The following VAC14 variants were observed in gnomAD, a reference collection of about 807,000 sequenced individuals.
VAC14 encodes VAC14 component of PIKFYVE complex, also known as protein VAC14 homolog.
Under a neutral mutation model 85.3 loss-of-function variants are expected in VAC14, and 47 were observed. That is an observed-to-expected ratio of 0.55 (90% CI 0.44 to 0.70). The LOEUF (loss-of-function observed/expected upper bound fraction) is 0.70. Ranked by LOEUF, VAC14 falls within the 30% of genes least tolerant of loss-of-function variation. The probability of loss-of-function intolerance (pLI) is 0.00; values close to 1 mark genes in which losing one functional copy is unlikely to be tolerated. For missense variants in VAC14, 861 were observed against 1,004.3 expected (o/e 0.86, Z 1.93); for synonymous variants, 447 against 430.5 (o/e 1.04, Z -0.47).
At chr16:70,737,094 C>A (rs1156537868) in intron 13 of VAC14, among the ~76,000 whole-genome samples, 1 of 152,202 alleles carries the variant, frequency 6.6e-6, no homozygotes, top group Non-Finnish European at 1.5e-5. Context: ...GGAGAGAGAA[C>A]AAGCTCACCC....
chr16:70,698,577 C>T (rs1406514448), intron 15 of VAC14, 60 bp downstream of exon 15: 4 of 1,598,068 alleles, frequency 2.5e-6, no homozygotes, highest in Non-Finnish European at 2.6e-6. Flanking sequence ...CGGGCTCACA[C>T]AGGGTGTGCC....
chr16:70,697,102 A>C (rs1286607161), intron 16 of VAC14, 37 bp downstream of exon 16: 2 of 1,575,242 alleles, frequency 1.3e-6, no homozygotes, highest in East Asian at 4.5e-5. Context: ...CCTGCCCCTC[A>C]GAGGCTCAAC....
chr16:70,695,556 G>A lies in VAC14; in HGVS notation c.2023C>T (p.Pro675Ser). 1 of 1,613,952 alleles carries A rather than the reference G, an allele frequency of 6.2e-7. No individual in the cohort carries two copies. The highest frequency in any genetic ancestry group is 8.5e-7 in the Non-Finnish European group (1 of 1,179,956). ...AGGTGGTTCTTACATGTGAAGATGG[G>A]GCACTCAATCAGCTGCACCAGCTTG... ...VDKLVQLIEC[P>S]IFTYLRLQLL... The change falls in exon 17 of 19, where the codon CCC (proline) becomes TCC (serine). Residue 675 changes from proline (P) to serine (S), a missense_variant. By Grantham distance (74) the Pro-to-Ser change is moderately conservative. Around this residue, in one of 3 missense-constraint regions of VAC14, gnomAD observed 163 missense variants for 162.2 expected, o/e 1.00. Transcript: ENST00000261776.
intron 13 of VAC14, among the ~76,000 whole-genome samples, chr16:70,732,466 AC>A (rs1005993526): frequency 1.4e-4 from 22 of 152,066 alleles, no homozygotes; most frequent in African/African-American, 5.1e-4. Context: ...AGTACCCAGC[AC>A]CAAGGGGACA....
At chr16:70,736,359 T>C (rs2054752942) in intron 13 of VAC14, among the ~76,000 whole-genome samples, 1 of 152,224 alleles carries the variant, frequency 6.6e-6, no homozygotes, top group Non-Finnish European at 1.5e-5. Context: ...GTTCTCATTC[T>C]GAGTCTCAGA....
In VAC14 at chr16:70,772,150, G is replaced by A. The variant is rs774887758; in HGVS notation, c.1119C>T (p.Asp373=). 3 of 1,614,146 alleles carry A rather than the reference G, an allele frequency of 1.9e-6. No individual in the cohort carries two copies. The South Asian group carries it at 3.3e-5, about 18-fold the overall frequency. ...TASGGPDGSC[D]SSFSSGISVF... ...CACTGATGCCGCTACTGAAGCTGGA[G>A]TCACAGGAACCATCTGGACCTCCTG... Residue 373 remains aspartate, a synonymous_variant, in exon 10 of 19, where the codon GAC becomes GAT. Transcript: ENST00000261776.
chr16:70,756,813 C>T (rs991479807), intron 12 of VAC14, among the ~76,000 whole-genome samples: 2 of 152,198 alleles, frequency 1.3e-5, no homozygotes, highest in Non-Finnish European at 2.9e-5. Flanking sequence ...CCTTACACCA[C>T]TCCCTAGACC....
chr16:70,791,396 T>C (rs1293442386), intron 1 of VAC14, among the ~76,000 whole-genome samples: 2 of 152,200 alleles, frequency 1.3e-5, no homozygotes, highest in Non-Finnish European at 2.9e-5. Flanking sequence ...AACTTTTTTT[T>C]CCCTTTGAGA....
In VAC14 at chr16:70,692,939, T is replaced by G; in HGVS notation, c.2068A>C (p.Asn690His). ...LRLQLLDVKN[N>H]PYLIKALYGL... ...TAGAGGGCCTTGATCAGGTAGGGGT[T>G]GTTCTTCACGTCCAGCAGCTGCAGG... is the stretch of plus-strand genomic sequence containing the variant. The change falls in exon 18 of 19, where the codon AAC (asparagine) becomes CAC (histidine). Residue 690 changes from asparagine to histidine, a missense_variant. Around this residue, in one of 3 missense-constraint regions of VAC14, gnomAD observed 163 missense variants for 162.2 expected, o/e 1.00. Transcript: ENST00000261776. 1 of 1,611,282 alleles carries G rather than the reference T, an allele frequency of 6.2e-7. No homozygotes were observed. The highest frequency in any genetic ancestry group is 1.1e-5 in the South Asian group (1 of 90,282).
At chr16:70,696,520 A>G (rs1228745722) in intron 16 of VAC14, among the ~76,000 whole-genome samples, 1 of 152,214 alleles carries the variant, frequency 6.6e-6, no homozygotes, top group East Asian at 1.9e-4. Flanking sequence ...CTCAAAAAAC[A>G]AAACATCTAA....
intron 1 of VAC14, among the ~76,000 whole-genome samples, chr16:70,798,332 CTTCTT>C (rs1415578412): frequency 4.6e-5 from 7 of 152,204 alleles, no homozygotes; most frequent in African/African-American, 7.2e-5. Flanking sequence ...TATTCGGACT[CTTCTT>C]TTGTTGGGCA....
intron 18 of VAC14, chr16:70,690,489 T>C (rs1287035400): frequency 9.1e-6 from 9 of 985,508 alleles, no homozygotes; most frequent in Non-Finnish European, 9.6e-6. Flanking sequence ...TTGCCAGCTT[T>C]TTCTTAGAGG....
Position 70,794,842 on chromosome 16 carries a change from C to T in VAC14, c.104+5955G>A, listed in dbSNP as rs140319521. Among the ~76,000 whole-genome samples the T allele has an allele frequency of 4.9e-3, 740 of 152,328 alleles. 3 individuals are homozygous for T. The highest frequency in any genetic ancestry group is 9.7e-3 in the South Asian group (47 of 4,830). On this transcript the variant is annotated intron_variant, in intron 1 of 18. Coordinates refer to ENST00000261776, the MANE Select transcript of VAC14 (RefSeq NM_018052.5). ...ATTCTGACCTGCACTCCAAAAATTA[C>T]CTTGAGCCACTGGGTAATAAATACA...
chr16:70,761,237 G>A (rs1436675018), intron 12 of VAC14: 1 of 454,560 alleles, frequency 2.2e-6, no homozygotes, highest in Admixed American at 2.4e-5. Flanking sequence ...GAAGACTGAG[G>A]AGCCTCACTC....
intron 14 of VAC14, among the ~76,000 whole-genome samples, chr16:70,728,639 C>T (rs75499597): frequency 0.026 from 3,940 of 152,298 alleles, 177 homozygotes; most frequent in African/African-American, 0.088. Flanking sequence ...TGCACTTCTG[C>T]TCCATGCAGC....
intron 12 of VAC14, among the ~76,000 whole-genome samples, chr16:70,751,976 G>A (rs565416634): frequency 6.6e-6 from 1 of 152,234 alleles, no homozygotes; most frequent in Non-Finnish European, 1.5e-5. Flanking sequence ...CTTAGCTTTG[G>A]TGGTGGGAAA....
rs1324250648 is a variant in VAC14, at chr16:70,801,144, C to T, written c.-244G>A. On this transcript the variant is annotated 5_prime_UTR_variant, in exon 1 of 19. An upstream start codon of the reference 5' UTR is lost. Transcript: ENST00000261776. ...CTAGCGGGACTCACGAGACAGCGGC[C>T]ATGTTACTCGAGTCACATGACTCTA... The T allele has an allele frequency of 9.6e-6, 4 of 417,038 alleles. No individual in the cohort carries two copies. The highest frequency in any genetic ancestry group is 1.7e-5 in the Non-Finnish European group (4 of 236,644). 25.8% of individuals were successfully genotyped at this position (417,038 alleles called of 1,614,324 possible).
chr16:70,785,887 G>T lies in VAC14; in HGVS notation c.256-18C>A. 6.3e-7 allele frequency: 1 copy of T among 1,597,308 alleles called. No individual in the cohort carries two copies. Among genetic ancestry groups the T allele is most frequent in the South Asian group, 1.1e-5 (1 of 88,972 alleles). ...CCTGAGTCCTGCAAGGAGGCAGGAG[G>T]AGAAGACAGATCAGAATGGGTTGGA... On this transcript the variant is annotated intron_variant, in intron 2 of 18. Coordinates refer to ENST00000261776, the MANE Select transcript of VAC14 (RefSeq NM_018052.5).
chr16:70,784,093 G>A lies in VAC14; in HGVS notation c.594+20C>T, dbSNP rs200837389. ...TTTCCAAACTGGAGGCTGGAGAAAC[G>A]GTGTCCGGCCAGGCCTTACCCAGGA... On this transcript the variant is annotated intron_variant, in intron 5 of 18. Coordinates refer to ENST00000261776, the MANE Select transcript of VAC14 (RefSeq NM_018052.5). 1.1e-5 allele frequency: 18 copies of A among 1,604,014 alleles called. No homozygotes were observed. The highest frequency in any genetic ancestry group is 8.9e-5 in the East Asian group (4 of 44,828).
Sources: allele counts gnomAD v4.1 joint callset (sites outside exome capture counted in the v4.1 genomes callset), GRCh38; gene constraint gnomAD v4.1.1; regional missense constraint gnomAD v4.1.1; transcripts MANE v1.5; gene names NCBI Gene and HGNC (gene_info 2026-07-23, HGNC 2026-07-21).